The following OSGIN2 variants were observed in gnomAD, a reference collection of about 807,000 sequenced individuals.
OSGIN2 encodes the protein oxidative stress-induced growth inhibitor 2.
In OSGIN2, 19 loss-of-function variants were observed where a neutral mutation model predicts 53.8. The ratio of observed to expected loss-of-function variants is 0.35; its 90% CI spans 0.25 to 0.52. The LOEUF is 0.52. Among genes scored for constraint, OSGIN2 ranks in the 20% least tolerant of loss-of-function variants. OSGIN2 has a pLI of 0.95. For synonymous variants in OSGIN2, 236 were observed against 236.0 expected (o/e 1.00, Z 0.00); for missense variants, 520 against 662.7 (o/e 0.78, Z 2.36).
intron 1 of OSGIN2, among the ~76,000 whole-genome samples, chr8:89,908,308 T>C (rs1000585839): frequency 6.6e-6 from 1 of 152,130 alleles, no homozygotes; most frequent in Non-Finnish European, 1.5e-5. Flanking sequence ...CAAAAGAGGC[T>C]ATGTAAGGGG....
chr8:89,906,429 C>T (rs1808840214), intron 1 of OSGIN2, among the ~76,000 whole-genome samples: 1 of 152,062 alleles, frequency 6.6e-6, no homozygotes, highest in Non-Finnish European at 1.5e-5. Context: ...CTCCCTCCTC[C>T]CACCCTTCAT....
Position 89,914,627 on chromosome 8 carries a change from C to CTT in OSGIN2, c.410_411dup (p.His138PhefsTer19). On this transcript the variant is annotated frameshift_variant, in exon 4 of 6. Coordinates refer to ENST00000451899, the MANE Select transcript of OSGIN2 (RefSeq NM_001126111.3). LOFTEE classifies it high-confidence loss of function. ...AGTTGCAGTACTTTTCGATACACTT[C>CTT]TTCATCCAGATGCTGACTTTGGGTA... The CTT allele has an allele frequency of 6.2e-7, 1 of 1,614,022 alleles. No individual in the cohort carries two copies. Among genetic ancestry groups the CTT allele is most frequent in the Non-Finnish European group, 8.5e-7 (1 of 1,179,848 alleles).
chr8:89,923,935 A>C (rs888829385), intron 5 of OSGIN2, among the ~76,000 whole-genome samples: 2 of 152,354 alleles, frequency 1.3e-5, no homozygotes, highest in African/African-American at 2.4e-5. Flanking sequence ...GTAGGAAAAC[A>C]CATAGAGTGA....
chr8:89,925,353 G>C lies in OSGIN2; in HGVS notation c.1471G>C (p.Asp491His). The C allele has an allele frequency of 1.2e-6, 2 of 1,614,158 alleles. No individual in the cohort carries two copies. The highest frequency in any genetic ancestry group is 2.2e-5 in the East Asian group (1 of 44,882). The part of the protein sequence containing the change: ...ITCKGNPVEI[D>H]TYTYECIKEA... Reference sequence around the variant, plus strand: ...ATGTAAGGGTAATCCTGTGGAAATAGATACATATACCTATGAGTGTATTAA... The same window carrying C: ...ATGTAAGGGTAATCCTGTGGAAATACATACATATACCTATGAGTGTATTAA... The change falls in exon 6 of 6, where the codon GAT (aspartate) becomes CAT (histidine). Residue 491 changes from aspartate (D) to histidine (H), a missense_variant. This residue lies in a region of OSGIN2 where 239 missense variants were observed against 328.3 expected (regional missense o/e 0.73). Transcript: ENST00000451899.
At chr8:89,909,925 G>C (rs1563466344) in intron 2 of OSGIN2, among the ~76,000 whole-genome samples, 1 of 152,136 alleles carries the variant, frequency 6.6e-6, no homozygotes. Context: ...TATCTTTTTA[G>C]TGAAGAACTG....
chr8:89,907,259 T>G (rs1231288404), intron 1 of OSGIN2, among the ~76,000 whole-genome samples: 1 of 149,132 alleles, frequency 6.7e-6, no homozygotes, highest in African/African-American at 2.5e-5. Flanking sequence ...AGCTCGTTAG[T>G]TTAATTAGAT....
intron 1 of OSGIN2, among the ~76,000 whole-genome samples, chr8:89,904,893 G>C (rs554270951): frequency 3.3e-5 from 5 of 152,306 alleles, no homozygotes; most frequent in African/African-American, 1.2e-4. Flanking sequence ...TGGATAAGTA[G>C]TGAGAGAACT....
chr8:89,915,787 A>C (rs74469940), intron 4 of OSGIN2, among the ~76,000 whole-genome samples: 4,238 of 152,306 alleles, frequency 0.028, 193 homozygotes, highest in African/African-American at 0.097. Context: ...AAAGTTGTTT[A>C]CGTTTATAAA....
intron 2 of OSGIN2, among the ~76,000 whole-genome samples, chr8:89,910,412 A>C (rs2130695584): frequency 6.6e-6 from 1 of 152,340 alleles, no homozygotes; most frequent in East Asian, 1.9e-4. Flanking sequence ...AAGCTAACTA[A>C]GCCAGAGGAG....
chr8:89,925,428 C>T lies in OSGIN2; in HGVS notation c.1546C>T (p.Arg516Ter). Residue 516 changes from arginine (R) to a stop codon, truncating the protein, a stop_gained, in exon 6 of 6, where the codon CGA becomes TGA. Coordinates refer to ENST00000451899, the MANE Select transcript of OSGIN2 (RefSeq NM_001126111.3). LOFTEE classifies it high-confidence loss of function. ...TCCTTTGGTTGGAGACAATTTTGTT[C>T]GATTTTTAAAGGGAGGGGCGCTGGG... is the stretch of plus-strand genomic sequence containing the variant. The part of the protein sequence containing the change: ...LGPLVGDNFV[R>*]FLKGGALGVT... 1.9e-6 allele frequency: 3 copies of T among 1,613,982 alleles called. No individual in the cohort carries two copies. Among genetic ancestry groups the T allele is most frequent in the Non-Finnish European group, 2.5e-6 (3 of 1,179,958 alleles).
At chr8:89,919,216 C>G (rs1563474089) in intron 4 of OSGIN2, among the ~76,000 whole-genome samples, 1 of 152,124 alleles carries the variant, frequency 6.6e-6, no homozygotes, top group African/African-American at 2.4e-5. Context: ...CTCGAAGATT[C>G]AATAGGATTC....
chr8:89,927,648 T>C lies in OSGIN2; in HGVS notation c.*2116T>C, dbSNP rs565957993. On this transcript the variant is annotated 3_prime_UTR_variant, in exon 6 of 6. Coordinates refer to ENST00000451899, the MANE Select transcript of OSGIN2 (RefSeq NM_001126111.3). ...GCAAACAGTCCATAATTAGCAGATG[T>C]TGAAAGACCGTTTACAAAGCAGAAT... 1 of 152,332 alleles carries C rather than the reference T, an allele frequency of 6.6e-6. No homozygotes were observed. The highest frequency in any genetic ancestry group is 6.5e-5 in the Admixed American group (1 of 15,292). 9.4% of individuals were successfully genotyped at this position (152,332 alleles called of 1,614,324 possible). A position where few individuals can be genotyped will look rare whatever the true frequency, so the allele number is the denominator to read the frequency against.
chr8:89,914,847 A>G (rs1809044539), intron 4 of OSGIN2, 101 bp downstream of exon 4: 4 of 831,314 alleles, frequency 4.8e-6, no homozygotes, highest in Non-Finnish European at 7.8e-6. Flanking sequence ...TGTGATGTTT[A>G]TCACATTTTT....
At position 89,909,042 on chromosome 8, in the gene OSGIN2, ATATATATACATATATATATATATAATG is replaced by A. The variant is rs1314173681; in HGVS notation, c.45-519_45-493del. Among the ~76,000 whole-genome samples, 10 of 102,184 alleles carry A rather than the reference ATATATATACATATATATATATATAATG, an allele frequency of 9.8e-5. No homozygotes were observed. The South Asian group carries it at 1.5e-3, about 15-fold the overall frequency. The allele number at this position is 102,184 out of a possible 152,430, so 67.0% of individuals were successfully genotyped here. ...AAAAAAAAAAAAAAAAAAAAAATATATATATATACATATATATATATATAATGTATATGTAGTATATTTTTTGAATAA... is the reference window on the plus strand; with the variant it reads ...AAAAAAAAAAAAAAAAAAAAAATATATATATGTAGTATATTTTTTGAATAA... On this transcript the variant is annotated intron_variant, in intron 1 of 5. Transcript: ENST00000451899.
chr8:89,911,574 G>T (rs1351895135), intron 2 of OSGIN2, among the ~76,000 whole-genome samples: 1 of 150,760 alleles, frequency 6.6e-6, no homozygotes, highest in African/African-American at 2.4e-5. Flanking sequence ...AGGTTGCAGT[G>T]AGCCGCGATT....
At chr8:89,917,455 A>G (rs1157313946) in intron 4 of OSGIN2, among the ~76,000 whole-genome samples, 1 of 152,132 alleles carries the variant, frequency 6.6e-6, no homozygotes, top group Admixed American at 6.5e-5. Flanking sequence ...CCCTTAACCC[A>G]TTGTCCTTCT....
intron 4 of OSGIN2, among the ~76,000 whole-genome samples, chr8:89,920,313 A>ATGCC: frequency 6.6e-6 from 1 of 152,198 alleles, no homozygotes; most frequent in Non-Finnish European, 1.5e-5. Context: ...TAATAATAAT[A>ATGCC]TGCCCCATTT....
chr8:89,908,888 G>A (rs957223149), intron 1 of OSGIN2, among the ~76,000 whole-genome samples: 8 of 150,992 alleles, frequency 5.3e-5, no homozygotes, highest in Admixed American at 4.0e-4. Context: ...TGGCACACCT[G>A]TAGCCCTGGC....
chr8:89,924,457 CTG>C lies in OSGIN2; in HGVS notation c.621-45_621-44del, dbSNP rs778691962. 4 of 1,372,520 alleles carry C rather than the reference CTG, an allele frequency of 2.9e-6. No individual in the cohort carries two copies. The African/African-American group carries it at 4.4e-5, about 15-fold the overall frequency. 85.0% of individuals were successfully genotyped at this position (1,372,520 alleles called of 1,614,324 possible). A position where few individuals can be genotyped will look rare whatever the true frequency, so the allele number is the denominator to read the frequency against. ...GGTAGATAAGTAATAATCATGGAAA[CTG>C]AAAGTAGTATCCTTATAGGATATTT... On this transcript the variant is annotated intron_variant, in intron 5 of 5. Transcript: ENST00000451899.
Sources: gnomAD v4.1 joint callset for allele counts (sites outside exome capture counted in the v4.1 genomes callset) on GRCh38, gnomAD v4.1.1 for gene constraint, gnomAD v4.1.1 regional missense constraint, MANE v1.5 for transcripts, NCBI Gene and HGNC (gene_info 2026-07-23, HGNC 2026-07-21) for gene names.